UIMC1: variants seen among roughly 807,000 people sequenced by gnomAD.
The protein encoded by UIMC1 is ubiquitin interaction motif containing 1, also known as BRCA1-A complex subunit RAP80.
In UIMC1, 42 loss-of-function variants were observed where a neutral mutation model predicts 84.9. That is an observed-to-expected ratio of 0.49 (90% confidence interval 0.39 to 0.64). The LOEUF is 0.64. Ranked by LOEUF, UIMC1 falls within the 30% of genes least tolerant of loss-of-function variation. UIMC1 has a pLI of 0.00. For synonymous variants in UIMC1, 281 were observed against 293.0 expected (o/e 0.96, Z 0.42); for missense variants, 825 against 847.6 (o/e 0.97, Z 0.33).
Position 176,975,441 on chromosome 5 carries a change from T to C in UIMC1, c.187A>G (p.Lys63Glu), listed in dbSNP as rs1561861368. The C allele has an allele frequency of 2.5e-6, 4 of 1,614,108 alleles. No homozygotes were observed. Among genetic ancestry groups the C allele is most frequent in the South Asian group, 1.1e-5 (1 of 91,070 alleles). ...AAACACTTTGCTCTATTCGACTGTT[T>C]TGTCTTCGTTTTCTGCAACCCATTT... ...EENGLQKTKT[K>E]QSNRAKCLAK... Residue 63 changes from lysine to glutamate, a missense_variant, in exon 3 of 15, where the codon AAA (lysine) becomes GAA (glutamate). Physicochemically the swap from Lys to Glu is moderately conservative, Grantham distance 56. Coordinates refer to ENST00000511320, the MANE Select transcript of UIMC1 (RefSeq NM_001199298.2).
At chr5:176,929,560 G>A (rs1227801383) in intron 10 of UIMC1, among the ~76,000 whole-genome samples, 5 of 151,512 alleles carry the variant, frequency 3.3e-5, no homozygotes, top group Admixed American at 6.6e-5. Context: ...GAGTGACTCC[G>A]TCTCAAAAAA....
chr5:176,958,099 G>A lies in UIMC1; in HGVS notation c.1256C>T (p.Ser419Leu). Residue 419 changes from serine (S) to leucine (L), a missense_variant, in exon 7 of 15, where the codon TCA becomes TTA. By Grantham distance (145) the Ser-to-Leu change is moderately radical (BLOSUM62 -2). Coordinates refer to ENST00000511320, the MANE Select transcript of UIMC1 (RefSeq NM_001199298.2). Reference sequence around the variant, plus strand: ...GCAACATATAATCTCTCACCTTTGTGAAGCAGGTACAGAGTTTCCCTCTTC... The same window carrying A: ...GCAACATATAATCTCTCACCTTTGTAAAGCAGGTACAGAGTTTCCCTCTTC... ...TSEEGNSVPA[S>L]QSVAALTSKR... The A allele has an allele frequency of 3.1e-6, 5 of 1,613,636 alleles. No individual in the cohort carries two copies.
chr5:176,938,051 G>GT (rs879263551), intron 10 of UIMC1, among the ~76,000 whole-genome samples: 20 of 151,824 alleles, frequency 1.3e-4, no homozygotes, highest in Admixed American at 5.2e-4. Flanking sequence ...TTAGCCAGGC[G>GT]TGATGGCATG....
intron 1 of UIMC1, among the ~76,000 whole-genome samples, chr5:176,986,437 G>A (rs1221803013): frequency 2.0e-5 from 3 of 148,898 alleles, no homozygotes; most frequent in Non-Finnish European, 3.0e-5. Flanking sequence ...AAGAGGCTGA[G>A]GCAGGAGGAT....
At chr5:177,002,875 A>C (rs1312761458) in intron 1 of UIMC1, among the ~76,000 whole-genome samples, 1 of 152,162 alleles carries the variant, frequency 6.6e-6, no homozygotes, top group Non-Finnish European at 1.5e-5. Flanking sequence ...TATCATTATG[A>C]GGAAACACAG....
At chr5:176,955,878 T>G in intron 8 of UIMC1, 81 bp downstream of exon 8, 6 of 1,369,518 alleles carry the variant, frequency 4.4e-6, no homozygotes, top group Non-Finnish European at 6.2e-6. Context: ...AGAGTAGGTT[T>G]GAAGAGTCAG....
chr5:176,954,644 C>T (rs1002551877), intron 8 of UIMC1, among the ~76,000 whole-genome samples: 3 of 149,776 alleles, frequency 2.0e-5, no homozygotes, highest in East Asian at 3.9e-4. Flanking sequence ...CCTAGCTACT[C>T]GGGAGGCTGA....
intron 10 of UIMC1, among the ~76,000 whole-genome samples, chr5:176,917,239 A>G (rs1761092879): frequency 1.3e-5 from 2 of 152,284 alleles, no homozygotes; most frequent in Middle Eastern, 6.8e-3. Context: ...CCTACAACCA[A>G]CGACCTCAGA....
intron 1 of UIMC1, among the ~76,000 whole-genome samples, chr5:177,019,627 G>GA (rs367851922): frequency 0.33 from 44,508 of 133,756 alleles, 7,612 homozygotes; most frequent in African/African-American, 0.45. Flanking sequence ...CCCTGTCTCG[G>GA]AAAAAAAAAA....
rs151054422 is a variant in UIMC1 at position 176,988,295 on chromosome 5, C to A, written c.-8-5672G>T. Among the ~76,000 whole-genome samples, 124 of 152,066 alleles carry A rather than the reference C, an allele frequency of 8.2e-4. 3 individuals carry two copies. In the East Asian group the frequency reaches 0.023, roughly 28 times the overall value. On this transcript the variant is annotated intron_variant, in intron 1 of 14. Transcript: ENST00000511320. ...TGCTGGAGAAACTGGAACTCTAGTA[C>A]ACTGTATTATTGATAGGATGTAAAA...
At chr5:176,950,794 AG>A (rs2149453799) in intron 9 of UIMC1, among the ~76,000 whole-genome samples, 1 of 152,226 alleles carries the variant, frequency 6.6e-6, no homozygotes, top group African/African-American at 2.4e-5. Flanking sequence ...CACTTGGACC[AG>A]GAAGGCAGAG....
At chr5:177,012,126 T>G (rs1775562483) in intron 1 of UIMC1, among the ~76,000 whole-genome samples, 1 of 152,152 alleles carries the variant, frequency 6.6e-6, no homozygotes, top group Non-Finnish European at 1.5e-5. Context: ...TCCTGGTGAC[T>G]GGCATCCAAA....
In UIMC1 at chr5:176,970,826, C is replaced by T; in HGVS notation, c.273G>A (p.Met91Ile). The T allele has an allele frequency of 6.2e-7, 1 of 1,614,092 alleles. No individual in the cohort carries two copies. Among genetic ancestry groups the T allele is most frequent in the South Asian group, 1.1e-5 (1 of 91,084 alleles). Residue 91 changes from methionine to isoleucine, a missense_variant, in exon 4 of 15, where the codon ATG becomes ATA. By Grantham distance (10) the Met-to-Ile change is conservative. Coordinates refer to ENST00000511320, the MANE Select transcript of UIMC1 (RefSeq NM_001199298.2). ...EEEQFALALKMSEQEAREVNS... is the reference protein window; with the variant it reads ...EEEQFALALKISEQEAREVNS... ...TCACCTCCCTAGCTTCCTGCTCACT[C>T]ATTTTGAGAGCCAGAGCAAACTGTT...
At chr5:176,966,685 A>C (rs1475727898) in intron 6 of UIMC1, among the ~76,000 whole-genome samples, 1 of 152,212 alleles carries the variant, frequency 6.6e-6, no homozygotes, top group African/African-American at 2.4e-5. Flanking sequence ...GAAAAAGCAA[A>C]CTAAATGTAC....
chr5:176,993,851 T>C (rs753916139), intron 1 of UIMC1, among the ~76,000 whole-genome samples: 5 of 151,700 alleles, frequency 3.3e-5, no homozygotes, highest in Non-Finnish European at 5.9e-5. Context: ...CTACTAAAAA[T>C]ACAAAAATTA....
chr5:176,908,148 C>T (rs1367485530), intron 12 of UIMC1, among the ~76,000 whole-genome samples: 1 of 151,470 alleles, frequency 6.6e-6, no homozygotes, highest in African/African-American at 2.4e-5. Flanking sequence ...TGTGTGTGTG[C>T]TTATTGCATA....
At chr5:176,995,843 C>CAAAAAAAAAAAAAAAAAAAAACAAAAAAA in intron 1 of UIMC1, among the ~76,000 whole-genome samples, 1 of 79,618 alleles carries the variant, frequency 1.3e-5, no homozygotes, top group Non-Finnish European at 2.5e-5. Context: ...AACTCCATCT[C>CAAAAAAAAAAAAAAAAAAAAACAAAAAAA]AAAAAAAAAA....
intron 10 of UIMC1, among the ~76,000 whole-genome samples, chr5:176,921,146 T>A (rs1164810640): frequency 3.3e-5 from 5 of 152,226 alleles, no homozygotes; most frequent in African/African-American, 1.2e-4. Flanking sequence ...TGAGAGAACT[T>A]CTACACTCTT....
chr5:176,919,276 T>C (rs941309502), intron 10 of UIMC1: 4 of 249,698 alleles, frequency 1.6e-5, no homozygotes, highest in Middle Eastern at 4.5e-4. Flanking sequence ...GAGAGTTCTT[T>C]ATATATTCTG....
Sources: gnomAD v4.1 joint callset for allele counts (sites outside exome capture counted in the v4.1 genomes callset) on GRCh38, gnomAD v4.1.1 for gene constraint, MANE v1.5 for transcripts, NCBI Gene and HGNC (gene_info 2026-07-23, HGNC 2026-07-21) for gene names.